The following CIB4 variants were observed in gnomAD, a reference collection of about 807,000 sequenced individuals.
The protein encoded by CIB4 is calcium and integrin binding family member 4, also known as calcium and integrin-binding family member 4.
CIB4 carries 25 observed loss-of-function variants against 25.8 expected under a neutral mutation model. The observed-to-expected ratio is 0.97, with a 90% CI of 0.71 to 1.35. The LOEUF is 1.35. Among genes scored for constraint, CIB4 ranks in the 40% most tolerant of loss-of-function variants. The probability of loss-of-function intolerance (pLI) is 0.00; values close to 1 mark genes in which losing one functional copy is unlikely to be tolerated. For missense variants in CIB4, 235 were observed against 228.2 expected, an observed-to-expected ratio of 1.03 and a Z score of -0.19; for synonymous variants, 75 against 81.4, an observed-to-expected ratio of 0.92 and a Z score of 0.42.
chr2:26,589,090 T>TTCTTCTTCTTCTTCC (rs1668528203), intron 4 of CIB4, among the ~76,000 whole-genome samples: 1 of 95,054 alleles, frequency 1.1e-5, no homozygotes, highest in Non-Finnish European at 2.1e-5. Flanking sequence ...CTTCTTCTTC[T>TTCTTCTTCTTCTTCC]TCTTCTTCTT....
chr2:26,586,682 C>G (rs924620009), intron 4 of CIB4, among the ~76,000 whole-genome samples: 2 of 152,138 alleles, frequency 1.3e-5, no homozygotes, highest in Non-Finnish European at 2.9e-5. Context: ...AGGATTAAAC[C>G]CAGGCAGTCT....
chr2:26,639,342 C>T (rs755091548), intron 2 of CIB4, among the ~76,000 whole-genome samples: 7 of 151,874 alleles, frequency 4.6e-5, no homozygotes, highest in Non-Finnish European at 8.8e-5. Flanking sequence ...GCTATCCCTC[C>T]CCTAGACCCC....
intron 3 of CIB4, among the ~76,000 whole-genome samples, chr2:26,603,333 G>C (rs1034555668): frequency 6.6e-6 from 1 of 152,066 alleles, no homozygotes; most frequent in Non-Finnish European, 1.5e-5. Context: ...GCCGAGCAAA[G>C]TTTGTATTGC....
In CIB4 at chr2:26,583,914, C is replaced by T. The variant is rs1291437386; in HGVS notation, c.329-16G>A. 3.3e-6 allele frequency: 5 copies of T among 1,529,224 alleles called. No individual in the cohort carries two copies. The South Asian group carries it at 3.4e-5, about 10-fold the overall frequency. 94.7% of individuals were successfully genotyped at this position (1,529,224 alleles called of 1,614,324 possible). On this transcript the variant is annotated splice_polypyrimidine_tract_variant and intron_variant, in intron 4 of 6. Coordinates refer to ENST00000288861, the MANE Select transcript of CIB4 (RefSeq NM_001029881.3). ...TCATTAAAATCTGCAAAGAAGAGGC[C>T]AGGCCTGCATTAGACGGAGCTGGGG...
intron 4 of CIB4, among the ~76,000 whole-genome samples, chr2:26,589,229 CCCT>C (rs1668539847): frequency 6.8e-6 from 1 of 147,706 alleles, no homozygotes; most frequent in Admixed American, 6.9e-5. Context: ...CTCCTCCTCC[CCCT>C]CTTCTTCTAC....
chr2:26,636,998 T>G (rs1440235399), intron 2 of CIB4, among the ~76,000 whole-genome samples: 1 of 152,176 alleles, frequency 6.6e-6, no homozygotes, highest in Middle Eastern at 3.2e-3. Flanking sequence ...TCCCTTAGCT[T>G]TCGATTTCTA....
At chr2:26,603,053 A>G (rs1345187178) in intron 3 of CIB4, among the ~76,000 whole-genome samples, 2 of 139,902 alleles carry the variant, frequency 1.4e-5, no homozygotes, top group Non-Finnish European at 3.1e-5. Context: ...CTGTCTCTAA[A>G]AAACGGGGTG....
intron 4 of CIB4, among the ~76,000 whole-genome samples, chr2:26,594,755 C>A (rs1310224645): frequency 6.6e-6 from 1 of 152,130 alleles, no homozygotes; most frequent in Non-Finnish European, 1.5e-5. Context: ...CTCTCCCTAT[C>A]CCCTCATTTT....
chr2:26,582,469 G>C (rs1668365932), intron 6 of CIB4, among the ~76,000 whole-genome samples: 1 of 152,142 alleles, frequency 6.6e-6, no homozygotes, highest in Non-Finnish European at 1.5e-5. Flanking sequence ...GATCCCCCCT[G>C]TAAACCCCTA....
chr2:26,595,366 G>T, intron 3 of CIB4, 49 bp from the exon 4 acceptor site: 1 of 1,586,174 alleles, frequency 6.3e-7, no homozygotes, highest in Admixed American at 1.7e-5. Context: ...GGTCGGGGCT[G>T]TGTCTCCCTG....
chr2:26,601,133 A>G (rs2148202240), intron 3 of CIB4, among the ~76,000 whole-genome samples: 2 of 150,972 alleles, frequency 1.3e-5, no homozygotes, highest in Non-Finnish European at 2.9e-5. Flanking sequence ...AGGTACAAGG[A>G]TCAATGAGCC....
chr2:26,630,713 G>A (rs1418063447), intron 2 of CIB4, among the ~76,000 whole-genome samples: 2 of 152,130 alleles, frequency 1.3e-5, no homozygotes, highest in African/African-American at 2.4e-5. Flanking sequence ...TTGCAGTGGG[G>A]TAGTAAATCT....
chr2:26,588,358 C>A (rs1200242322), intron 4 of CIB4, among the ~76,000 whole-genome samples: 1 of 152,256 alleles, frequency 6.6e-6, no homozygotes, highest in Non-Finnish European at 1.5e-5. Context: ...AAGGACAGGG[C>A]AGCCTGGGAG....
At chr2:26,596,471 C>T (rs116747603) in intron 3 of CIB4, among the ~76,000 whole-genome samples, 1,981 of 152,216 alleles carry the variant, frequency 0.013, 50 homozygotes, top group African/African-American at 0.045. Context: ...TGGCCAGGCA[C>T]GGTGGCTCAA....
At chr2:26,609,806 A>T (rs1405613787) in intron 3 of CIB4, among the ~76,000 whole-genome samples, 1 of 152,178 alleles carries the variant, frequency 6.6e-6, no homozygotes, top group African/African-American at 2.4e-5. Context: ...GGGAACTTAA[A>T]CACAGTTTAT....
At chr2:26,622,940 G>A (rs1407534756) in intron 3 of CIB4, among the ~76,000 whole-genome samples, 1 of 152,014 alleles carries the variant, frequency 6.6e-6, no homozygotes, top group Non-Finnish European at 1.5e-5. Flanking sequence ...CTGAGATGGT[G>A]CTTCTGCACT....
At position 26,583,778 on chromosome 2, in the gene CIB4, C is replaced by G. The variant is rs770526784; in HGVS notation, c.438+11G>C. On this transcript the variant is annotated intron_variant, in intron 5 of 6. Coordinates refer to ENST00000288861, the MANE Select transcript of CIB4 (RefSeq NM_001029881.3). ...GGCCCCAGCCACCAACTCCCAGCCC[C>G]CAGCACACACGTGGTTCGTGAGGTC... The G allele has an allele frequency of 1.9e-6, 3 of 1,573,490 alleles. No homozygotes were observed. The highest frequency in any genetic ancestry group is 2.2e-5 in the South Asian group (2 of 90,198).
intron 3 of CIB4, among the ~76,000 whole-genome samples, chr2:26,616,169 T>G (rs1208250651): frequency 6.6e-6 from 1 of 152,202 alleles, no homozygotes; most frequent in African/African-American, 2.4e-5. Context: ...AGTGAGATGA[T>G]GCATGTGTGA....
At chr2:26,588,016 G>A (rs762266256) in intron 4 of CIB4, among the ~76,000 whole-genome samples, 5 of 152,200 alleles carry the variant, frequency 3.3e-5, no homozygotes, top group Non-Finnish European at 5.9e-5. Context: ...CCCTTCCCTG[G>A]CTGAATGCTT....
Sources: allele counts gnomAD v4.1 joint callset (sites outside exome capture counted in the v4.1 genomes callset), GRCh38; gene constraint gnomAD v4.1.1; transcripts MANE v1.5; gene names NCBI Gene and HGNC (gene_info 2026-07-23, HGNC 2026-07-21).